Variants in FSTL5 observed in about 807,000 individuals in gnomAD.
FSTL5 encodes the protein follistatin like 5.
FSTL5 carries 62 observed loss-of-function variants against 89.1 expected under a neutral mutation model. The ratio of observed to expected loss-of-function variants is 0.70; its 90% CI spans 0.57 to 0.86. FSTL5 has a LOEUF of 0.86. FSTL5 is among the 40% of genes least tolerant of loss of function. The pLI, the probability that FSTL5 is intolerant of heterozygous loss-of-function variation, is 0.00. For missense variants in FSTL5, 1,057 were observed against 1,001.6 expected, an observed-to-expected ratio of 1.06 and a Z score of -0.75; for synonymous variants, 383 against 346.2, an observed-to-expected ratio of 1.11 and a Z score of -1.18.
intron 1 of FSTL5, among the ~76,000 whole-genome samples, chr4:162,123,685 T>G (rs755403847): frequency 2.0e-4 from 30 of 152,168 alleles, no homozygotes; most frequent in Non-Finnish European, 4.1e-4. Context: ...TTCATCTGGT[T>G]ATGTGGTCAA....
At chr4:162,066,156 TTCTTTTCCAC>T (rs1738887609) in intron 2 of FSTL5, among the ~76,000 whole-genome samples, 1 of 152,070 alleles carries the variant, frequency 6.6e-6, no homozygotes, top group Non-Finnish European at 1.5e-5. Context: ...TGTTATTTGA[TTCTTTTCCAC>T]TCTTTTTATC....
intron 7 of FSTL5, among the ~76,000 whole-genome samples, chr4:161,654,128 T>A (rs1736430618): frequency 6.6e-6 from 1 of 152,160 alleles, no homozygotes; most frequent in African/African-American, 2.4e-5. Flanking sequence ...CCAAAAATTT[T>A]GAATTTCTGA....
Position 161,843,103 on chromosome 4 carries a change from G to T in FSTL5, c.410-67029C>A, listed in dbSNP as rs183831121. ...TCCAGAGACTTTATTTACACATTTT[G>T]TGAATACAGAATTGAATAACCATCA... On this transcript the variant is annotated intron_variant, in intron 4 of 15. Coordinates refer to ENST00000306100, the MANE Select transcript of FSTL5 (RefSeq NM_020116.5). 8.1e-3 allele frequency among the ~76,000 whole-genome samples: 1,225 copies of T among 152,108 alleles called. 9 individuals carry two copies. The highest frequency in any genetic ancestry group is 0.014 in the Middle Eastern group (4 of 294).
intron 6 of FSTL5, among the ~76,000 whole-genome samples, chr4:161,729,478 A>G (rs763638216): frequency 6.6e-6 from 1 of 152,096 alleles, no homozygotes; most frequent in Non-Finnish European, 1.5e-5. Context: ...CTCTGCCCTC[A>G]TACCTGACCT....
chr4:161,543,953 C>T (rs1731920355), intron 8 of FSTL5, among the ~76,000 whole-genome samples: 1 of 151,786 alleles, frequency 6.6e-6, no homozygotes, highest in Non-Finnish European at 1.5e-5. Flanking sequence ...AGTATAAACA[C>T]AACCCACAAA....
rs190270970 is a variant in FSTL5 at position 161,563,006 on chromosome 4, A to G, written c.1016-20313T>C. ...CTTCCTTTTTAAGTCTGAAGGATGTAACAACAACATGAGCCCTAGATTAGC... is the reference window on the plus strand; with the variant it reads ...CTTCCTTTTTAAGTCTGAAGGATGTGACAACAACATGAGCCCTAGATTAGC... On this transcript the variant is annotated intron_variant, in intron 8 of 15. Transcript: ENST00000306100. 1.5e-3 allele frequency among the ~76,000 whole-genome samples: 223 copies of G among 152,082 alleles called. 1 individual carries two copies. Among genetic ancestry groups the G allele is most frequent in the Middle Eastern group, 0.01 (3 of 294 alleles).
chr4:161,440,255 G>A (rs1578976123), intron 15 of FSTL5, among the ~76,000 whole-genome samples: 1 of 152,004 alleles, frequency 6.6e-6, no homozygotes, highest in Non-Finnish European at 1.5e-5. Flanking sequence ...TGTACAGAAC[G>A]TAATGAGACC....
chr4:162,095,564 G>T (rs1433522259), intron 2 of FSTL5, among the ~76,000 whole-genome samples: 3 of 151,986 alleles, frequency 2.0e-5, no homozygotes, highest in African/African-American at 7.2e-5. Flanking sequence ...ATGAAATCTT[G>T]AGGAACGGTT....
intron 2 of FSTL5, among the ~76,000 whole-genome samples, chr4:162,071,979 T>C (rs1428066454): frequency 1.3e-5 from 2 of 151,772 alleles, no homozygotes; most frequent in African/African-American, 4.8e-5. Context: ...TAGGTGCTAA[T>C]TGGCATCAGT....
chr4:161,882,567 T>C (rs574742003), intron 4 of FSTL5, among the ~76,000 whole-genome samples: 1 of 152,258 alleles, frequency 6.6e-6, no homozygotes, highest in South Asian at 2.1e-4. Flanking sequence ...GTAGGGACAA[T>C]GTATTATCCA....
chr4:162,108,831 C>T (rs1200403704), intron 2 of FSTL5, among the ~76,000 whole-genome samples: 1 of 151,632 alleles, frequency 6.6e-6, no homozygotes, highest in African/African-American at 2.4e-5. Flanking sequence ...TTGTTTTCAG[C>T]CTTATTAGAG....
At chr4:162,005,949 G>GT (rs1000647622) in intron 3 of FSTL5, among the ~76,000 whole-genome samples, 1 of 152,022 alleles carries the variant, frequency 6.6e-6, no homozygotes, top group African/African-American at 2.4e-5. Flanking sequence ...CAATTGTGCT[G>GT]TTTTTATGTT....
At chr4:161,448,623 C>G (rs1578982077) in intron 15 of FSTL5, among the ~76,000 whole-genome samples, 1 of 152,260 alleles carries the variant, frequency 6.6e-6, no homozygotes, top group Admixed American at 6.5e-5. Context: ...GTGCTATAGA[C>G]CACTCTCCAG....
intron 6 of FSTL5, among the ~76,000 whole-genome samples, chr4:161,720,864 G>A (rs1477088707): frequency 6.6e-6 from 1 of 152,174 alleles, no homozygotes; most frequent in African/African-American, 2.4e-5. Context: ...GGGTTGTGGG[G>A]AGGACGAAAC....
intron 3 of FSTL5, among the ~76,000 whole-genome samples, chr4:161,927,146 G>T (rs1209508659): frequency 6.6e-6 from 1 of 151,484 alleles, no homozygotes; most frequent in Non-Finnish European, 1.5e-5. Context: ...AAACCATGTT[G>T]ATCTAGATAA....
intron 6 of FSTL5, among the ~76,000 whole-genome samples, chr4:161,683,856 A>C (rs939070045): frequency 6.6e-6 from 1 of 152,080 alleles, no homozygotes; most frequent in Non-Finnish European, 1.5e-5. Context: ...CCCGAGCAAA[A>C]TACACTGCAC....
intron 3 of FSTL5, among the ~76,000 whole-genome samples, chr4:161,929,887 G>A (rs1734239849): frequency 6.6e-6 from 1 of 151,650 alleles, no homozygotes; most frequent in Non-Finnish European, 1.5e-5. Context: ...TTTCTACAGA[G>A]TGCTGGACTA....
rs188365047 is a variant in FSTL5, at chr4:161,999,220, C to T, written c.160+34405G>A. Among the ~76,000 whole-genome samples the T allele has an allele frequency of 4.6e-5, 7 of 152,140 alleles. No homozygotes were observed. The East Asian group carries it at 1.3e-3, about 29-fold the overall frequency. ...AGCTATTTAATGGAAATATTATATGCTGCTATAAAAATATATTATAGATAT... is the reference window on the plus strand; with the variant it reads ...AGCTATTTAATGGAAATATTATATGTTGCTATAAAAATATATTATAGATAT... On this transcript the variant is annotated intron_variant, in intron 3 of 15. Coordinates refer to ENST00000306100, the MANE Select transcript of FSTL5 (RefSeq NM_020116.5).
chr4:161,514,547 G>A (rs4416435), intron 10 of FSTL5, among the ~76,000 whole-genome samples: 28,595 of 152,008 alleles, frequency 0.19, 2,927 homozygotes, highest in East Asian at 0.37. Context: ...TAAAAGCCTA[G>A]ACTTCACCAC....
Sources: allele counts gnomAD v4.1 joint callset (sites outside exome capture counted in the v4.1 genomes callset), GRCh38; gene constraint gnomAD v4.1.1; transcripts MANE v1.5; gene names NCBI Gene and HGNC (gene_info 2026-07-23, HGNC 2026-07-21).